KRT82: variants seen among roughly 807,000 people sequenced by gnomAD.
KRT82 encodes keratin 82.
In KRT82, 44 loss-of-function variants were observed where a neutral mutation model predicts 48.0. That is an observed-to-expected ratio of 0.92 (90% confidence interval 0.72 to 1.18). The LOEUF is 1.18. Ranked by LOEUF, KRT82 falls within the 50% of genes most tolerant of loss-of-function variation. The pLI is 0.00. For synonymous variants in KRT82, 297 were observed against 278.3 expected (o/e 1.07, Z -0.67); for missense variants, 701 against 671.4 (o/e 1.04, Z -0.49).
intron 3 of KRT82, 100 bp downstream of exon 3, chr12:52,401,189 T>A: frequency 1.1e-6 from 1 of 950,220 alleles, no homozygotes; most frequent in South Asian, 1.4e-5. Flanking sequence ...TTTTTCAGAG[T>A]GGGTGGGCTG....
intron 2 of KRT82, chr12:52,402,543 T>C (rs185678786): frequency 6.6e-6 from 1 of 152,260 alleles, no homozygotes; most frequent in African/African-American, 2.4e-5. Context: ...GATAATGCCA[T>C]TGGAATGAGC....
At position 52,403,651 on chromosome 12, in the gene KRT82, C is replaced by T. The variant is rs1388515931; in HGVS notation, c.620+50G>A. The T allele has an allele frequency of 3.4e-6, 4 of 1,164,862 alleles. No homozygotes were observed. The South Asian group carries it at 3.8e-5, about 11-fold the overall frequency. The allele number at this position is 1,164,862 out of a possible 1,614,324, so 72.2% of individuals were successfully genotyped here. On this transcript the variant is annotated intron_variant, in intron 2 of 8. Coordinates refer to ENST00000257974, the MANE Select transcript of KRT82 (RefSeq NM_033033.4). ...TGGGGAATCAGGGCCCAGACTGTTT[C>T]TGTCCCTTGCCCCAGGTCCACCAGT...
At chr12:52,397,238 T>C (rs1939728659) in intron 5 of KRT82, among the ~76,000 whole-genome samples, 1 of 152,174 alleles carries the variant, frequency 6.6e-6, no homozygotes, top group Admixed American at 6.6e-5. Context: ...GCTTGTTAGA[T>C]TTTTCTCCAG....
At chr12:52,403,634 C>A in intron 2 of KRT82, 67 bp downstream of exon 2, 1 of 976,480 alleles carries the variant, frequency 1.0e-6, no homozygotes, top group South Asian at 1.4e-5. Context: ...AATGGGGAAT[C>A]AGGGCCCAGA....
chr12:52,401,272 C>T lies in KRT82; in HGVS notation c.681+17G>A. 1 of 1,613,408 alleles carries T rather than the reference C, an allele frequency of 6.2e-7. No homozygotes were observed. The highest frequency in any genetic ancestry group is 8.5e-7 in the Non-Finnish European group (1 of 1,179,388). On this transcript the variant is annotated intron_variant, in intron 3 of 8. Transcript: ENST00000257974. Reference sequence around the variant, plus strand: ...AGGCCAGCTCAGGGGCTCTGCCTCTCTGAGCTTCCTCCTTACCTTCTTCAA... The same window carrying T: ...AGGCCAGCTCAGGGGCTCTGCCTCTTTGAGCTTCCTCCTTACCTTCTTCAA...
rs1285648442 is a variant in KRT82 at position 52,403,822 on chromosome 12, G to C, written c.499C>G (p.Pro167Ala). The C allele has an allele frequency of 1.9e-6, 3 of 1,613,812 alleles. No homozygotes were observed. The highest frequency in any genetic ancestry group is 2.5e-6 in the Non-Finnish European group (3 of 1,179,960). Residue 167 changes from proline to alanine, a missense_variant, in exon 2 of 9, where the codon CCC (proline) becomes GCC (alanine). Coordinates refer to ENST00000257974, the MANE Select transcript of KRT82 (RefSeq NM_033033.4). ...QQRCCQTNIEPIFEGYISALR... is the reference protein window; with the variant it reads ...QQRCCQTNIEAIFEGYISALR... ...GCGCTGATATAGCCCTCGAAGATGG[G>C]CTCGATGTTGGTCTGGCAGCACCTC...
intron 8 of KRT82, 36 bp from the exon 9 acceptor site, chr12:52,395,231 C>A: frequency 6.5e-7 from 1 of 1,549,042 alleles, no homozygotes; most frequent in East Asian, 2.3e-5. Flanking sequence ...GGGCCCCACA[C>A]GGTGTGGCTC....
chr12:52,398,086 C>T (rs1939738122), intron 5 of KRT82, among the ~76,000 whole-genome samples: 1 of 152,052 alleles, frequency 6.6e-6, no homozygotes, highest in Admixed American at 6.6e-5. Context: ...AAAATAACAG[C>T]AACAGAAAAA....
Position 52,406,196 on chromosome 12 carries a change from C to T in KRT82, c.82G>A (p.Val28Ile), listed in dbSNP as rs756609221. The T allele has an allele frequency of 5.6e-6, 9 of 1,613,562 alleles. No individual in the cohort carries two copies. The highest frequency in any genetic ancestry group is 7.6e-6 in the Non-Finnish European group (9 of 1,179,924). ...SSYSAVMPRM[V>I]THYAVSKGPC... ...CCCTTGCTCACTGCATAGTGGGTGA[C>T]CATCCGGGGCATGACAGCCGAGTAT... is the stretch of plus-strand genomic sequence containing the variant. Residue 28 changes from valine to isoleucine, a missense_variant, in exon 1 of 9, where the codon GTC becomes ATC. Transcript: ENST00000257974.
chr12:52,406,092 A>G lies in KRT82; in HGVS notation c.186T>C (p.Phe62=). Residue 62 remains phenylalanine (F), a synonymous_variant, in exon 1 of 9, where the codon TTT becomes TTC. Transcript: ENST00000257974. ...ACCTGGAGGCTACCCGGGGCCTCCC[A>G]AAGCCCACGTTGCACAGGCTCCGTG... The part of the protein sequence containing the change: ...LGSRSLCNVG[F]GRPRVASRCG... 6.2e-7 allele frequency: 1 copy of G among 1,613,514 alleles called. No homozygotes were observed. The highest frequency in any genetic ancestry group is 1.1e-5 in the South Asian group (1 of 91,066).
chr12:52,397,111 G>T, intron 5 of KRT82, 103 bp from the exon 6 acceptor site: 1 of 1,432,756 alleles, frequency 7.0e-7, no homozygotes, highest in South Asian at 1.3e-5. Context: ...TCCTAGTTCA[G>T]GTGTTCTCTG....
intron 5 of KRT82, among the ~76,000 whole-genome samples, chr12:52,398,201 G>A (rs1939739328): frequency 6.6e-6 from 1 of 152,212 alleles, no homozygotes; most frequent in Admixed American, 6.5e-5. Flanking sequence ...CCATGGCTGG[G>A]TAGGGCTTCT....
chr12:52,405,047 C>T (rs539470702), intron 1 of KRT82, among the ~76,000 whole-genome samples: 8 of 152,218 alleles, frequency 5.3e-5, no homozygotes, highest in Non-Finnish European at 1.0e-4. Context: ...AATGAATCCT[C>T]ACCCCAAGAG....
rs1939724153 is a variant in KRT82 at position 52,396,937 on chromosome 12, T to C, written c.1014A>G (p.Glu338=). Residue 338 remains glutamate (E), a synonymous_variant, in exon 6 of 9, where the codon GAA becomes GAG. Transcript: ENST00000257974. ...GCAGCCGCTGGATCAGTTTATTCATTTCCAGGATCTCGTTCTTACGGTTGC... is the reference window on the plus strand; with the variant it reads ...GCAGCCGCTGGATCAGTTTATTCATCTCCAGGATCTCGTTCTTACGGTTGC... ...NLRNRKNEIL[E]MNKLIQRLQQ... 5 of 1,614,146 alleles carry C rather than the reference T, an allele frequency of 3.1e-6. No homozygotes were observed. The highest frequency in any genetic ancestry group is 1.3e-5 in the African/African-American group (1 of 75,014).
Position 52,403,789 on chromosome 12 carries a change from G to A in KRT82, c.532C>T (p.Arg178Trp), listed in dbSNP as rs779332186. 1.9e-5 allele frequency: 30 copies of A among 1,613,536 alleles called. No homozygotes were observed. The highest frequency in any genetic ancestry group is 6.6e-5 in the South Asian group (6 of 91,076). ...IFEGYISALR[R>W]QLDCVSGDRV... ...TCCCCGGACACACAGTCCAGCTGCC[G>A]CCGAAGGGCGCTGATATAGCCCTCG... The change falls in exon 2 of 9, where the codon CGG becomes TGG. Residue 178 changes from arginine to tryptophan, a missense_variant. Arg to Trp is a moderately radical substitution (Grantham distance 101). Coordinates refer to ENST00000257974, the MANE Select transcript of KRT82 (RefSeq NM_033033.4).
rs1266017725 is a variant in KRT82, at chr12:52,405,944, T to C, written c.334A>G (p.Thr112Ala). 6.2e-7 allele frequency: 1 copy of C among 1,614,180 alleles called. No individual in the cohort carries two copies. ...TCATCCCTCTTTACCCTCTGCACAG[T>C]CGGGTCTATCTCCAGTGCCAGTGGG... ...LVPLALEIDP[T>A]VQRVKRDEKE... The change falls in exon 1 of 9, where the codon ACT becomes GCT. Residue 112 changes from threonine (T) to alanine (A), a missense_variant. Coordinates refer to ENST00000257974, the MANE Select transcript of KRT82 (RefSeq NM_033033.4).
chr12:52,394,787 AG>A lies in KRT82; in HGVS notation c.*187del, dbSNP rs1291493601. 1.6e-6 allele frequency: 1 copy of A among 610,538 alleles called. No homozygotes were observed. Among genetic ancestry groups the A allele is most frequent in the African/African-American group, 1.9e-5 (1 of 54,032 alleles). The allele number at this position is 610,538 out of a possible 1,614,324, so 37.8% of individuals were successfully genotyped here. A position where few individuals can be genotyped will look rare whatever the true frequency, so the allele number is the denominator to read the frequency against. Reference sequence around the variant, plus strand: ...GAGGGTCTGCACACAGGTGAGTGGAAGGTGACTCATGAGGCAAAGGAGGGGT... The same window carrying A: ...GAGGGTCTGCACACAGGTGAGTGGAAGTGACTCATGAGGCAAAGGAGGGGT... On this transcript the variant is annotated 3_prime_UTR_variant, in exon 9 of 9. Transcript: ENST00000257974.
chr12:52,403,941 C>A, intron 1 of KRT82, 32 bp from the exon 2 acceptor site: 1 of 1,599,460 alleles, frequency 6.3e-7, no homozygotes, highest in Non-Finnish European at 8.5e-7. Flanking sequence ...CACCAGGCAG[C>A]AGAGATCCTG....
chr12:52,395,794 G>C lies in KRT82; in HGVS notation c.1290-4C>G. The C allele has an allele frequency of 6.5e-7, 1 of 1,549,570 alleles. No individual in the cohort carries two copies. The highest frequency in any genetic ancestry group is 8.7e-7 in the Non-Finnish European group (1 of 1,150,380). On this transcript the variant is annotated splice_region_variant and splice_polypyrimidine_tract_variant and intron_variant, in intron 7 of 8. Coordinates refer to ENST00000257974, the MANE Select transcript of KRT82 (RefSeq NM_033033.4). ...GGGCCCGATGCCTTCGCACAGCCTG[G>C]GGATGAGAGGAAAAAGAAAACAGGT...
Sources: allele counts gnomAD v4.1 joint callset (sites outside exome capture counted in the v4.1 genomes callset), GRCh38; gene constraint gnomAD v4.1.1; transcripts MANE v1.5; gene names NCBI Gene and HGNC (gene_info 2026-07-23, HGNC 2026-07-21).